The following PDZRN4 variants were observed in gnomAD, a reference collection of about 807,000 sequenced individuals.
The protein encoded by PDZRN4 is PDZ domain-containing RING finger protein 4.
In PDZRN4, 70 loss-of-function variants were observed where a neutral mutation model predicts 99.0. The ratio of observed to expected loss-of-function variants is 0.71; its 90% CI spans 0.58 to 0.86. The LOEUF (loss-of-function observed/expected upper bound fraction) is 0.86. Among genes scored for constraint, PDZRN4 ranks in the 40% least tolerant of loss-of-function variants. The probability of loss-of-function intolerance (pLI) is 0.00; values close to 1 mark genes in which losing one functional copy is unlikely to be tolerated. For synonymous variants in PDZRN4, 551 were observed against 501.6 expected (o/e 1.10, Z -1.32); for missense variants, 1,474 against 1,331.2 (o/e 1.11, Z -1.67).
chr12:41,538,766 G>C (rs558971133), intron 5 of PDZRN4, among the ~76,000 whole-genome samples: 1 of 151,898 alleles, frequency 6.6e-6, no homozygotes, highest in East Asian at 1.9e-4. Context: ...AATACTACTC[G>C]AATTTCTTTA....
intron 5 of PDZRN4, among the ~76,000 whole-genome samples, chr12:41,535,200 C>A (rs985678750): frequency 6.6e-6 from 1 of 152,094 alleles, no homozygotes; most frequent in Non-Finnish European, 1.5e-5. Flanking sequence ...TGCAATTATG[C>A]AACTACTTTT....
intron 3 of PDZRN4, among the ~76,000 whole-genome samples, chr12:41,345,090 C>A (rs949475561): frequency 6.6e-6 from 1 of 152,100 alleles, no homozygotes; most frequent in Admixed American, 6.6e-5. Flanking sequence ...TTTTTACCAA[C>A]TTTAATCTGT....
chr12:41,548,431 T>G (rs1290316692), intron 5 of PDZRN4, among the ~76,000 whole-genome samples: 2 of 152,200 alleles, frequency 1.3e-5, no homozygotes, highest in Non-Finnish European at 2.9e-5. Flanking sequence ...TGATTAACAC[T>G]CAGATTGAGT....
At chr12:41,379,509 C>G (rs921127681) in intron 3 of PDZRN4, among the ~76,000 whole-genome samples, 2 of 151,480 alleles carry the variant, frequency 1.3e-5, no homozygotes, top group African/African-American at 4.8e-5. Context: ...TAGCTTTAAA[C>G]TTTTCTTTTA....
intron 3 of PDZRN4, among the ~76,000 whole-genome samples, chr12:41,274,466 G>C (rs1951336827): frequency 6.6e-6 from 1 of 152,132 alleles, no homozygotes; most frequent in African/African-American, 2.4e-5. Flanking sequence ...GTTTAAGCTA[G>C]AGAGAAGGAT....
intron 3 of PDZRN4, among the ~76,000 whole-genome samples, chr12:41,469,381 A>C (rs1008767966): frequency 6.6e-6 from 1 of 152,310 alleles, no homozygotes; most frequent in Middle Eastern, 3.4e-3. Context: ...CCCTATGTGA[A>C]TCTTACCTTG....
At chr12:41,442,998 G>A (rs1331254091) in intron 3 of PDZRN4, among the ~76,000 whole-genome samples, 3 of 152,138 alleles carry the variant, frequency 2.0e-5, no homozygotes, top group Non-Finnish European at 4.4e-5. Flanking sequence ...AAGTGAGGAT[G>A]CACTATAGTA....
intron 3 of PDZRN4, among the ~76,000 whole-genome samples, chr12:41,458,767 C>A (rs1454436575): frequency 2.6e-5 from 4 of 152,078 alleles, no homozygotes; most frequent in Non-Finnish European, 5.9e-5. Flanking sequence ...AAATCCCAAT[C>A]TCTGGGCAAG....
At chr12:41,298,821 G>A (rs1457358171) in intron 3 of PDZRN4, among the ~76,000 whole-genome samples, 1 of 152,060 alleles carries the variant, frequency 6.6e-6, no homozygotes, top group African/African-American at 2.4e-5. Flanking sequence ...TGATTAATAA[G>A]ATTTGGGGAG....
chr12:41,278,592 A>G (rs1565540015), intron 3 of PDZRN4, among the ~76,000 whole-genome samples: 1 of 152,204 alleles, frequency 6.6e-6, no homozygotes, highest in Non-Finnish European at 1.5e-5. Context: ...AAGTGAAAGC[A>G]GTCCCATAGC....
chr12:41,278,893 C>A (rs915760634), intron 3 of PDZRN4, among the ~76,000 whole-genome samples: 3 of 152,126 alleles, frequency 2.0e-5, no homozygotes, highest in African/African-American at 7.2e-5. Flanking sequence ...AGTGATGGAG[C>A]CCCTACTAAG....
chr12:41,234,598 G>C (rs1951052888), intron 3 of PDZRN4, among the ~76,000 whole-genome samples: 1 of 152,072 alleles, frequency 6.6e-6, no homozygotes, highest in Non-Finnish European at 1.5e-5. Flanking sequence ...AGTCACATTT[G>C]AGCACATAGG....
chr12:41,224,546 T>C (rs1036371927), intron 3 of PDZRN4, among the ~76,000 whole-genome samples: 1 of 152,148 alleles, frequency 6.6e-6, no homozygotes, highest in African/African-American at 2.4e-5. Context: ...GTGCTTTTAG[T>C]GGAGTTAAAG....
intron 3 of PDZRN4, among the ~76,000 whole-genome samples, chr12:41,504,403 G>A (rs1483103849): frequency 6.6e-6 from 1 of 152,150 alleles, no homozygotes; most frequent in Non-Finnish European, 1.5e-5. Context: ...TCCTGAAGCA[G>A]GAAGGCTGAG....
At chr12:41,536,328 C>T (rs984683991) in intron 5 of PDZRN4, among the ~76,000 whole-genome samples, 3 of 152,030 alleles carry the variant, frequency 2.0e-5, no homozygotes, top group African/African-American at 7.2e-5. Flanking sequence ...TGAAAGAAGC[C>T]AGTCTAAAAA....
intron 3 of PDZRN4, among the ~76,000 whole-genome samples, chr12:41,456,120 C>G (rs1387948651): frequency 6.6e-6 from 1 of 152,192 alleles, no homozygotes; most frequent in East Asian, 1.9e-4. Flanking sequence ...AAGCTTCAAG[C>G]CATCGTCCAC....
intron 3 of PDZRN4, among the ~76,000 whole-genome samples, chr12:41,320,751 AT>A (rs1951671421): frequency 6.7e-6 from 1 of 149,868 alleles, no homozygotes; most frequent in Non-Finnish European, 1.5e-5. Context: ...GAGAAAAAAA[AT>A]CTCATCTCTC....
intron 3 of PDZRN4, among the ~76,000 whole-genome samples, chr12:41,327,779 G>T (rs1320552085): frequency 1.3e-5 from 2 of 151,908 alleles, no homozygotes; most frequent in Admixed American, 6.6e-5. Context: ...ATGTTAAACT[G>T]CTCTCTGTAT....
chr12:41,551,483 GAAAGACTACCTACCTATGGTTTTACA>G (rs777087550), intron 5 of PDZRN4, among the ~76,000 whole-genome samples: 17 of 151,970 alleles, frequency 1.1e-4, no homozygotes, highest in Admixed American at 5.9e-4. Flanking sequence ...AATCAAAGAG[GAAAGACTACCTACCTATGGTTTTACA>G]AAAATCTCTG....
Sources: gnomAD v4.1 joint callset for allele counts (sites outside exome capture counted in the v4.1 genomes callset) on GRCh38, gnomAD v4.1.1 for gene constraint, MANE v1.5 for transcripts, NCBI Gene and HGNC (gene_info 2026-07-23, HGNC 2026-07-21) for gene names.